Variants in SPIDR observed in about 807,000 individuals in gnomAD.
SPIDR encodes scaffold protein involved in DNA repair.
SPIDR carries 93 observed loss-of-function variants against 104.6 expected under a neutral mutation model. The observed-to-expected ratio is 0.89, with a 90% CI of 0.75 to 1.06. SPIDR has a LOEUF of 1.06. Ranked by LOEUF, SPIDR falls within the 50% of genes least tolerant of loss-of-function variation. SPIDR has a pLI of 0.00. For synonymous variants in SPIDR, 431 were observed against 416.9 expected (o/e 1.03, Z -0.41); for missense variants, 1,154 against 1,111.2 (o/e 1.04, Z -0.55).
intron 5 of SPIDR, among the ~76,000 whole-genome samples, chr8:47,303,208 A>G (rs1332882834): frequency 6.6e-6 from 1 of 152,188 alleles, no homozygotes; most frequent in African/African-American, 2.4e-5. Context: ...TGTGCTAGCA[A>G]TGAGCGAGGC....
chr8:47,572,708 A>ATAAATAAATAAC (rs1381705109), intron 8 of SPIDR, among the ~76,000 whole-genome samples: 36 of 148,462 alleles, frequency 2.4e-4, no homozygotes, highest in African/African-American at 5.6e-4. Context: ...AAATAAATAA[A>ATAAATAAATAAC]TAACTTGTAC....
chr8:47,299,613 G>A (rs1190433373), intron 5 of SPIDR, among the ~76,000 whole-genome samples: 1 of 152,126 alleles, frequency 6.6e-6, no homozygotes, highest in Non-Finnish European at 1.5e-5. Context: ...TTATTATTTT[G>A]AGATACGTCC....
At chr8:47,272,166 C>A (rs922048883) in intron 1 of SPIDR, among the ~76,000 whole-genome samples, 4 of 152,048 alleles carry the variant, frequency 2.6e-5, no homozygotes, top group Admixed American at 2.6e-4. Flanking sequence ...GAGCTTTCAC[C>A]ATGTTGGCCA....
intron 5 of SPIDR, among the ~76,000 whole-genome samples, chr8:47,325,341 A>G (rs1554599728): frequency 1.3e-5 from 2 of 152,210 alleles, no homozygotes; most frequent in Non-Finnish European, 2.9e-5. Flanking sequence ...TTAGAGCAAC[A>G]TAAGGAAATT....
intron 8 of SPIDR, chr8:47,548,004 C>A: frequency 6.5e-6 from 1 of 153,118 alleles, no homozygotes; most frequent in Non-Finnish European, 1.5e-5. Context: ...TTCGCTTCAT[C>A]CCACCAATTT....
intron 9 of SPIDR, 24 bp from the exon 10 acceptor site, chr8:47,598,922 G>A: frequency 6.2e-7 from 1 of 1,612,268 alleles, no homozygotes; most frequent in African/African-American, 1.3e-5. Context: ...TCTTGAAACT[G>A]TTCCCTTTAT....
At chr8:47,356,968 G>T (rs1394494233) in intron 5 of SPIDR, among the ~76,000 whole-genome samples, 1 of 152,084 alleles carries the variant, frequency 6.6e-6, no homozygotes, top group African/African-American at 2.4e-5. Flanking sequence ...TGCATATGGG[G>T]TAACTTGGCT....
chr8:47,324,162 A>G (rs1411085690), intron 5 of SPIDR, among the ~76,000 whole-genome samples: 2 of 152,272 alleles, frequency 1.3e-5, no homozygotes, highest in East Asian at 1.9e-4. Flanking sequence ...TTACCATTCT[A>G]TTAATAAAAT....
intron 19 of SPIDR, among the ~76,000 whole-genome samples, chr8:47,733,052 A>C (rs957857700): frequency 7.9e-5 from 12 of 152,222 alleles, no homozygotes; most frequent in Admixed American, 6.5e-4. Context: ...GTTTGCTAAT[A>C]TGGTTGTTTA....
intron 7 of SPIDR, among the ~76,000 whole-genome samples, chr8:47,433,629 G>A (rs113263033): frequency 2.0e-5 from 3 of 152,190 alleles, no homozygotes; most frequent in East Asian, 1.9e-4. Flanking sequence ...CTAAATGATC[G>A]TAAGAATTAT....
intron 7 of SPIDR, among the ~76,000 whole-genome samples, chr8:47,432,860 A>C (rs1039527590): frequency 4.6e-5 from 7 of 152,198 alleles, no homozygotes; most frequent in African/African-American, 1.7e-4. Context: ...CATTACATCT[A>C]CATTTAAGAA....
chr8:47,571,549 T>G (rs892130693), intron 8 of SPIDR, among the ~76,000 whole-genome samples: 2 of 152,178 alleles, frequency 1.3e-5, no homozygotes, highest in Admixed American at 1.3e-4. Context: ...TTAAGGAAAG[T>G]AATTTATAAA....
intron 5 of SPIDR, among the ~76,000 whole-genome samples, chr8:47,340,426 G>C (rs1480555649): frequency 6.6e-6 from 1 of 152,026 alleles, no homozygotes; most frequent in African/African-American, 2.4e-5. Context: ...CTAACATGGC[G>C]AAACCCCGTC....
chr8:47,682,988 G>A (rs1357321304), intron 11 of SPIDR, among the ~76,000 whole-genome samples: 2 of 152,172 alleles, frequency 1.3e-5, no homozygotes, highest in Non-Finnish European at 2.9e-5. Context: ...GGGAAGACAA[G>A]GGACTGTGAT....
chr8:47,328,721 C>T (rs782464817), intron 5 of SPIDR, among the ~76,000 whole-genome samples: 4 of 152,000 alleles, frequency 2.6e-5, no homozygotes, highest in Non-Finnish European at 5.9e-5. Flanking sequence ...ACAGTCTCTA[C>T]CTTTGGCTGG....
At chr8:47,640,708 C>T (rs1454472189) in intron 10 of SPIDR, among the ~76,000 whole-genome samples, 2 of 151,882 alleles carry the variant, frequency 1.3e-5, no homozygotes, top group African/African-American at 2.4e-5. Context: ...GACGGAGCCT[C>T]GCTCTATCGC....
chr8:47,377,260 A>G (rs2058764820), intron 5 of SPIDR, among the ~76,000 whole-genome samples: 1 of 152,214 alleles, frequency 6.6e-6, no homozygotes, highest in Non-Finnish European at 1.5e-5. Context: ...CTGTACTGAA[A>G]TGATAGGAAA....
chr8:47,545,071 T>TTTC, intron 8 of SPIDR, among the ~76,000 whole-genome samples: 1 of 124,776 alleles, frequency 8.0e-6, no homozygotes, highest in Non-Finnish European at 1.6e-5. Context: ...TCTTTTTATC[T>TTTC]TTTCTTTCTT....
At chr8:47,601,994 G>T (rs1182938291) in intron 10 of SPIDR, among the ~76,000 whole-genome samples, 1 of 116,592 alleles carries the variant, frequency 8.6e-6, no homozygotes, top group African/African-American at 4.2e-5. Context: ...AAGTAAAACT[G>T]TACTTTATTC....
Sources: allele counts gnomAD v4.1 joint callset (sites outside exome capture counted in the v4.1 genomes callset), GRCh38; gene constraint gnomAD v4.1.1; transcripts MANE v1.5; gene names NCBI Gene and HGNC (gene_info 2026-07-23, HGNC 2026-07-21).